The following SUSD1 variants were observed in gnomAD, a reference collection of about 807,000 sequenced individuals.
SUSD1 encodes the protein sushi domain containing 1, also known as sushi domain-containing protein 1.
A neutral mutation model predicts 86.9 loss-of-function variants in SUSD1; 65 were observed. That is an observed-to-expected ratio of 0.75 (90% CI 0.61 to 0.92). SUSD1 has a LOEUF of 0.92. SUSD1 is among the 40% of genes least tolerant of loss of function. The pLI, the probability that SUSD1 is intolerant of heterozygous loss-of-function variation, is 0.00. For synonymous variants in SUSD1, 346 were observed against 350.0 expected (o/e 0.99, Z 0.13); for missense variants, 850 against 929.7 (o/e 0.91, Z 1.11).
In SUSD1 at chr9:112,111,803, G is replaced by A; in HGVS notation, c.1022C>T (p.Ser341Leu). ...CAAGTTGACTGTCTCCTCACGAACT[G>A]ATTCCATAGGGTCCAACCGTTGTCC... is the stretch of plus-strand genomic sequence containing the variant. Reference protein sequence around the residue: ...IKGQRLDPMESVREETVNLTT... With the variant: ...IKGQRLDPMELVREETVNLTT... Residue 341 changes from serine to leucine, a missense_variant, in exon 8 of 17, where the codon TCA (serine) becomes TTA (leucine). Coordinates refer to ENST00000374270, the MANE Select transcript of SUSD1 (RefSeq NM_022486.5). 5.0e-6 allele frequency: 8 copies of A among 1,614,120 alleles called. No homozygotes were observed. The highest frequency in any genetic ancestry group is 6.8e-6 in the Non-Finnish European group (8 of 1,180,004).
chr9:112,080,297 C>A (rs550964139), intron 10 of SUSD1, 132 bp from the exon 11 acceptor site: 1 of 618,686 alleles, frequency 1.6e-6, no homozygotes, highest in Non-Finnish European at 2.9e-6. Flanking sequence ...TTAGTGGTAG[C>A]AGTCTCAAAG....
intron 5 of SUSD1, among the ~76,000 whole-genome samples, chr9:112,136,484 T>C (rs1219312734): frequency 1.3e-5 from 2 of 152,234 alleles, no homozygotes; most frequent in Non-Finnish European, 2.9e-5. Flanking sequence ...TCTTCCCTTC[T>C]TGGTCTCCCA....
In SUSD1 at chr9:112,113,261, A is replaced by G. The variant is rs1831178629; in HGVS notation, c.887-393T>C. ...GACCTACTTCCACCTTTCTCTTCCC[A>G]GCAGAATGATGGGAAACTCCTTCAA... On this transcript the variant is annotated intron_variant, in intron 6 of 16. Coordinates refer to ENST00000374270, the MANE Select transcript of SUSD1 (RefSeq NM_022486.5). This position sits in a 1 kb window ranked among gnomAD's most constrained non-coding sequence, Gnocchi z 4.1. Among the ~76,000 whole-genome samples, 1 of 152,164 alleles carries G rather than the reference A, an allele frequency of 6.6e-6. No homozygotes were observed. The highest frequency in any genetic ancestry group is 1.5e-5 in the Non-Finnish European group (1 of 68,024).
Position 112,078,541 on chromosome 9 carries a change from T to C in SUSD1, c.1750A>G (p.Thr584Ala). The C allele has an allele frequency of 2.5e-6, 4 of 1,607,304 alleles. No individual in the cohort carries two copies. Among genetic ancestry groups the C allele is most frequent in the Non-Finnish European group, 3.4e-6 (4 of 1,174,388 alleles). The change falls in exon 12 of 17, where the codon ACA becomes GCA. Residue 584 changes from threonine to alanine, a missense_variant. Thr to Ala is a moderately conservative substitution (Grantham distance 58). Coordinates refer to ENST00000374270, the MANE Select transcript of SUSD1 (RefSeq NM_022486.5). Reference protein sequence around the residue: ...PVVISLTTQITEPPLPEVEFF... With the variant: ...PVVISLTTQIAEPPLPEVEFF... ...AATGCTGTTATTCAAGATTTACCTG[T>C]TATCTGGGTTGTCAGGGAGATGACC...
intron 15 of SUSD1, among the ~76,000 whole-genome samples, chr9:112,051,810 C>T (rs906991504): frequency 1.6e-4 from 24 of 152,128 alleles, no homozygotes; most frequent in South Asian, 2.1e-4. Context: ...TTCCTGTGCC[C>T]CATTTCTTGA....
intron 10 of SUSD1, 42 bp from the exon 11 acceptor site, chr9:112,080,207 G>T: frequency 1.4e-6 from 2 of 1,420,024 alleles, no homozygotes; most frequent in Non-Finnish European, 9.9e-7. Flanking sequence ...ACACTCTATA[G>T]AAAAAATGCT....
intron 10 of SUSD1, among the ~76,000 whole-genome samples, chr9:112,086,651 G>A (rs1829999415): frequency 6.6e-6 from 1 of 152,058 alleles, no homozygotes; most frequent in Admixed American, 6.5e-5. Context: ...GTCAGGTAGT[G>A]GTAAGAAAAC....
At chr9:112,106,542 C>T (rs919892614) in intron 8 of SUSD1, among the ~76,000 whole-genome samples, 1 of 151,768 alleles carries the variant, frequency 6.6e-6, no homozygotes, top group South Asian at 2.1e-4. Context: ...TAATAGAGAA[C>T]GTGGTTTGAA....
intron 1 of SUSD1, among the ~76,000 whole-genome samples, chr9:112,172,822 T>A (rs1040461438): frequency 4.6e-5 from 7 of 151,990 alleles, no homozygotes; most frequent in African/African-American, 1.7e-4. Flanking sequence ...TTGCAACAAC[T>A]TCCTCAATGG....
chr9:112,078,483 T>A, intron 12 of SUSD1, 55 bp downstream of exon 12: 2 of 1,523,022 alleles, frequency 1.3e-6, no homozygotes, highest in South Asian at 1.2e-5. Flanking sequence ...TATCAGGACC[T>A]ATGAACAATT....
chr9:112,121,409 A>G (rs1831548455), intron 6 of SUSD1, among the ~76,000 whole-genome samples: 2 of 152,312 alleles, frequency 1.3e-5, no homozygotes, highest in Middle Eastern at 3.4e-3. Flanking sequence ...CTTGTAAAAC[A>G]TTATATGTGT....
intron 10 of SUSD1, among the ~76,000 whole-genome samples, chr9:112,085,280 G>A (rs1829930449): frequency 6.6e-6 from 1 of 152,194 alleles, no homozygotes; most frequent in Non-Finnish European, 1.5e-5. Context: ...TGTAAGTACA[G>A]TTTTAAAAAC....
intron 6 of SUSD1, 52 bp downstream of exon 6, chr9:112,124,205 C>T: frequency 6.4e-7 from 1 of 1,551,654 alleles, no homozygotes; most frequent in Non-Finnish European, 8.7e-7. Flanking sequence ...GCCCTCGGCT[C>T]CCACTGGCTG....
intron 8 of SUSD1, among the ~76,000 whole-genome samples, chr9:112,110,333 G>C (rs953452801): frequency 6.6e-6 from 1 of 151,838 alleles, no homozygotes; most frequent in Non-Finnish European, 1.5e-5. Context: ...TGGGCGACAG[G>C]GCAAGACTCC....
chr9:112,155,382 G>A (rs561930320), intron 2 of SUSD1, among the ~76,000 whole-genome samples: 106 of 152,252 alleles, frequency 7.0e-4, no homozygotes, highest in African/African-American at 2.4e-3. Flanking sequence ...GGTGAGGAAC[G>A]GGAGGGTGAG....
intron 12 of SUSD1, among the ~76,000 whole-genome samples, chr9:112,066,780 T>C (rs1214469362): frequency 1.3e-5 from 2 of 152,158 alleles, no homozygotes; most frequent in East Asian, 3.8e-4. Context: ...AAATCCCCAC[T>C]GGCCCAGGGC....
Position 112,041,356 on chromosome 9 carries a change from C to A in SUSD1, c.*136G>T. 1.4e-6 allele frequency: 1 copy of A among 736,814 alleles called. No homozygotes were observed. 45.6% of individuals were successfully genotyped at this position (736,814 alleles called of 1,614,324 possible). On this transcript the variant is annotated 3_prime_UTR_variant, in exon 17 of 17. Transcript: ENST00000374270. ...TCTTAAATCCAGGAATGGGGCCCAG[C>A]TGGGAATGGAGAAAGTTGCAGGCCC...
chr9:112,111,777 T>C lies in SUSD1; in HGVS notation c.1048A>G (p.Thr350Ala). Residue 350 changes from threonine to alanine, a missense_variant, in exon 8 of 17, where the codon ACC becomes GCC. Transcript: ENST00000374270. ...ESVREETVNL[T>A]TDSRTPEVCL... is the part of the protein sequence containing the mutation. ...ACTTCTGGGGTCCTGCTGTCTGTGG[T>C]CAAGTTGACTGTCTCCTCACGAACT... is the stretch of plus-strand genomic sequence containing the variant. The C allele has an allele frequency of 6.2e-7, 1 of 1,614,090 alleles. No individual in the cohort carries two copies. Among genetic ancestry groups the C allele is most frequent in the Non-Finnish European group, 8.5e-7 (1 of 1,179,984 alleles).
intron 2 of SUSD1, among the ~76,000 whole-genome samples, chr9:112,149,879 G>A (rs759305875): frequency 7.9e-5 from 12 of 152,136 alleles, no homozygotes; most frequent in Admixed American, 2.0e-4. Context: ...AGCCTCATCC[G>A]GAGCAGGGCT....
Sources: allele counts gnomAD v4.1 joint callset (sites outside exome capture counted in the v4.1 genomes callset), GRCh38; gene constraint gnomAD v4.1.1; non-coding constraint Gnocchi (gnomAD v3.1); transcripts MANE v1.5; gene names NCBI Gene and HGNC (gene_info 2026-07-23, HGNC 2026-07-21).